The following SFSWAP variants were observed in gnomAD, a reference collection of about 807,000 sequenced individuals.
The protein encoded by SFSWAP is splicing factor, suppressor of white-apricot homolog.
In SFSWAP, 17 loss-of-function variants were observed where a neutral mutation model predicts 100.7. The ratio of observed to expected loss-of-function variants is 0.17; its 90% confidence interval spans 0.12 to 0.25. The LOEUF (loss-of-function observed/expected upper bound fraction) is 0.25, where lower values mean the gene tolerates loss of function less well. Among genes scored for constraint, SFSWAP ranks in the 10% least tolerant of loss-of-function variants. The pLI is 1.00. For missense variants in SFSWAP, 1,005 were observed against 1,262.6 expected, an observed-to-expected ratio of 0.80 and a Z score of 3.09; for synonymous variants, 504 against 510.1, an observed-to-expected ratio of 0.99 and a Z score of 0.16.
chr12:131,751,605 C>G (rs1283245579), intron 7 of SFSWAP, among the ~76,000 whole-genome samples: 5 of 152,384 alleles, frequency 3.3e-5, no homozygotes, highest in Non-Finnish European at 1.5e-5. Flanking sequence ...CAGCTCCCCC[C>G]TTCCAGGGAT....
At chr12:131,763,822 T>C (rs1882873217) in intron 11 of SFSWAP, among the ~76,000 whole-genome samples, 2 of 152,152 alleles carry the variant, frequency 1.3e-5, no homozygotes, top group East Asian at 1.9e-4. Context: ...TGAATTTTTT[T>C]TTTTTTTTTT....
chr12:131,760,264 G>A (rs941673656), intron 11 of SFSWAP, among the ~76,000 whole-genome samples: 9 of 152,064 alleles, frequency 5.9e-5, no homozygotes, highest in South Asian at 2.1e-4. Flanking sequence ...TACAGAAATG[G>A]CAGTAACTGC....
At chr12:131,763,063 T>TGTGTGTGC (rs1475665536) in intron 11 of SFSWAP, among the ~76,000 whole-genome samples, 2 of 152,262 alleles carry the variant, frequency 1.3e-5, no homozygotes, top group East Asian at 3.8e-4. Context: ...TCAGTATCTT[T>TGTGTGTGC]GTGTGTGCCC....
rs1350124087 is a variant in SFSWAP at position 131,714,004 on chromosome 12, A to G, written c.219-67A>G. On this transcript the variant is annotated intron_variant, in intron 1 of 17. Coordinates refer to ENST00000261674, the MANE Select transcript of SFSWAP (RefSeq NM_004592.4). This position sits in a 1 kb window ranked among gnomAD's most constrained non-coding sequence, Gnocchi z 6.0. ...TGTGTATATATATATACATATATAA[A>G]ACATCACACACGCACACCAGTCTAG... The G allele has an allele frequency of 1.7e-6, 2 of 1,187,264 alleles. No homozygotes were observed. The highest frequency in any genetic ancestry group is 2.4e-6 in the Non-Finnish European group (2 of 820,598). The allele number at this position is 1,187,264 out of a possible 1,614,324, so 73.5% of individuals were successfully genotyped here.
intron 7 of SFSWAP, among the ~76,000 whole-genome samples, chr12:131,741,831 C>T (rs535023603): frequency 2.0e-5 from 3 of 152,218 alleles, no homozygotes; most frequent in East Asian, 1.9e-4. Flanking sequence ...AAAGGTTCCT[C>T]GGGTCACATG....
chr12:131,748,349 G>A (rs1053301604), intron 7 of SFSWAP, among the ~76,000 whole-genome samples: 5 of 151,738 alleles, frequency 3.3e-5, no homozygotes, highest in African/African-American at 4.8e-5. Context: ...TAGTAGAGAC[G>A]GAGTTTCACC....
At position 131,734,085 on chromosome 12, in the gene SFSWAP, G is replaced by A. The variant is rs996498457; in HGVS notation, c.1081+5657G>A. 4.6e-5 allele frequency among the ~76,000 whole-genome samples: 7 copies of A among 152,356 alleles called. No homozygotes were observed. The highest frequency in any genetic ancestry group is 3.4e-3 in the Middle Eastern group (1 of 294). ...GTGGCACTGAGACCCAACAGCTCAG[G>A]TGACAGTGACACCTGCAGCGGAGGC... On this transcript the variant is annotated intron_variant, in intron 7 of 17. Transcript: ENST00000261674. The surrounding 1 kb of genome is among the most constrained non-coding windows in gnomAD (Gnocchi z 4.9).
At chr12:131,767,537 G>A (rs1250201862) in intron 13 of SFSWAP, among the ~76,000 whole-genome samples, 4 of 152,212 alleles carry the variant, frequency 2.6e-5, no homozygotes, top group Admixed American at 1.3e-4. Flanking sequence ...GGGCATTTTA[G>A]TAGCTAGTCC....
rs1877351243 is a variant in SFSWAP, at chr12:131,711,591, C to T, written c.218+144C>T. On this transcript the variant is annotated intron_variant, in intron 1 of 17. Coordinates refer to ENST00000261674, the MANE Select transcript of SFSWAP (RefSeq NM_004592.4). The surrounding 1 kb of genome is among the most constrained non-coding windows in gnomAD (Gnocchi z 4.9). Reference sequence around the variant, plus strand: ...ACACCCCCTCCCCTGTCCCCACCTCCTCCTGGTGTTCTGGTGGGGAGGGGG... The same window carrying T: ...ACACCCCCTCCCCTGTCCCCACCTCTTCCTGGTGTTCTGGTGGGGAGGGGG... 3.0e-6 allele frequency: 2 copies of T among 672,572 alleles called. No individual in the cohort carries two copies. Among genetic ancestry groups the T allele is most frequent in the South Asian group, 3.7e-5 (2 of 54,446 alleles). 41.7% of individuals were successfully genotyped at this position (672,572 alleles called of 1,614,324 possible). A position where few individuals can be genotyped will look rare whatever the true frequency, so the allele number is the denominator to read the frequency against.
intron 16 of SFSWAP, among the ~76,000 whole-genome samples, chr12:131,798,788 G>T (rs1397709762): frequency 6.6e-6 from 1 of 152,178 alleles, no homozygotes; most frequent in Non-Finnish European, 1.5e-5. Context: ...TACTCAGGAG[G>T]CTGAGGCAGG....
intron 5 of SFSWAP, among the ~76,000 whole-genome samples, chr12:131,726,002 A>G (rs577257355): frequency 3.9e-5 from 6 of 152,316 alleles, no homozygotes; most frequent in Non-Finnish European, 8.8e-5. Context: ...TCAGGGCTGT[A>G]TAGCTCAATT....
At position 131,764,672 on chromosome 12, in the gene SFSWAP, T is replaced by G; in HGVS notation, c.1937T>G (p.Leu646Arg). The G allele has an allele frequency of 6.2e-7, 1 of 1,612,582 alleles. No individual in the cohort carries two copies. The highest frequency in any genetic ancestry group is 8.5e-7 in the Non-Finnish European group (1 of 1,178,766). Residue 646 changes from leucine to arginine, a missense_variant, in exon 12 of 18, where the codon CTA becomes CGA. By Grantham distance (102) the Leu-to-Arg change is moderately radical (BLOSUM62 -2). Around this residue, in one of 7 missense-constraint regions of SFSWAP, gnomAD observed 82 missense variants for 131.0 expected, o/e 0.63. Coordinates refer to ENST00000261674, the MANE Select transcript of SFSWAP (RefSeq NM_004592.4). ...AAGCCTCAACTTACCCAGGAGGAGC[T>G]AGAAGCAAAGCAAGGTTTGTTGATA... ...EKKPQLTQEE[L>R]EAKQAKQKLE...
At chr12:131,797,966 C>T (rs1200170500) in intron 16 of SFSWAP, among the ~76,000 whole-genome samples, 1 of 152,326 alleles carries the variant, frequency 6.6e-6, no homozygotes. Context: ...GGGAGTAACG[C>T]GCAACTGTTC....
rs58489931 is a variant in SFSWAP, at chr12:131,719,129, C to T, written c.521-325C>T. Among the ~76,000 whole-genome samples the T allele has an allele frequency of 4.8e-3, 733 of 152,180 alleles. 5 individuals are homozygous for T. The highest frequency in any genetic ancestry group is 0.016 in the African/African-American group (674 of 41,506). On this transcript the variant is annotated intron_variant, in intron 3 of 17. Coordinates refer to ENST00000261674, the MANE Select transcript of SFSWAP (RefSeq NM_004592.4). The stretch of plus-strand genomic sequence containing the variant: ...GTTCAAATGGACCAAATGCAGAATT[C>T]GAGCACGTGTGGATATTGGTGTCTG...
intron 13 of SFSWAP, among the ~76,000 whole-genome samples, chr12:131,776,091 ACT>A (rs1486468149): frequency 1.3e-5 from 2 of 152,146 alleles, no homozygotes; most frequent in East Asian, 3.8e-4. Context: ...ACAGAGCAAG[ACT>A]CTGCCTCAAA....
chr12:131,760,410 A>G (rs1882555695), intron 11 of SFSWAP, among the ~76,000 whole-genome samples: 1 of 152,242 alleles, frequency 6.6e-6, no homozygotes, highest in South Asian at 2.1e-4. Flanking sequence ...ATCGATGGCT[A>G]GTAAATATAT....
chr12:131,756,585 C>T lies in SFSWAP; in HGVS notation c.1661C>T (p.Ser554Leu), dbSNP rs780927677. The change falls in exon 11 of 18, where the codon TCA (serine) becomes TTA (leucine). Residue 554 changes from serine (S) to leucine (L), a missense_variant. Physicochemically the swap from Ser to Leu is moderately radical, Grantham distance 145. Transcript: ENST00000261674. ...DAAEVGARAG[S>L]GGKKEASSSK... is the part of the protein sequence containing the mutation. ...GCCGAGGTGGGAGCACGGGCAGGCT[C>T]AGGCGGGAAGAAGGAGGCATCGTCC... The T allele has an allele frequency of 2.5e-6, 4 of 1,613,202 alleles. No individual in the cohort carries two copies. The highest frequency in any genetic ancestry group is 2.7e-5 in the African/African-American group (2 of 74,826).
intron 15 of SFSWAP, among the ~76,000 whole-genome samples, chr12:131,788,819 C>T (rs190496982): frequency 2.0e-5 from 3 of 152,290 alleles, no homozygotes; most frequent in Admixed American, 2.0e-4. Context: ...ATTAATCCTA[C>T]AGCCAGCCCG....
chr12:131,783,526 C>T (rs1400677215), intron 14 of SFSWAP: 2 of 150,376 alleles, frequency 1.3e-5, no homozygotes, highest in African/African-American at 2.4e-5. Flanking sequence ...GCGTGGTGGC[C>T]CACGCCTATA....
Sources: gnomAD v4.1 joint callset for allele counts (sites outside exome capture counted in the v4.1 genomes callset) on GRCh38, gnomAD v4.1.1 for gene constraint, gnomAD v4.1.1 regional missense constraint, Gnocchi (gnomAD v3.1) non-coding constraint, MANE v1.5 for transcripts, NCBI Gene and HGNC (gene_info 2026-07-23, HGNC 2026-07-21) for gene names.